Variants in CACNG4 observed in about 807,000 individuals in gnomAD.
CACNG4 encodes calcium voltage-gated channel auxiliary subunit gamma 4, also known as voltage-dependent calcium channel gamma-4 subunit.
In CACNG4, 8 loss-of-function variants were observed where a neutral mutation model predicts 22.9. The ratio of observed to expected loss-of-function variants is 0.35; its 90% confidence interval spans 0.21 to 0.63. CACNG4 has a LOEUF of 0.63. CACNG4 is among the 30% of genes least tolerant of loss of function. The pLI is 0.72. For synonymous variants in CACNG4, 188 were observed against 191.9 expected, an observed-to-expected ratio of 0.98 and a Z score of 0.17; for missense variants, 357 against 455.4, an observed-to-expected ratio of 0.78 and a Z score of 1.97.
At chr17:66,980,391 C>G (rs903292426) in intron 1 of CACNG4, among the ~76,000 whole-genome samples, 4 of 152,108 alleles carry the variant, frequency 2.6e-5, no homozygotes, top group Non-Finnish European at 5.9e-5. Flanking sequence ...TCGTGAGAGG[C>G]CCCTCAGGGA....
intron 1 of CACNG4, among the ~76,000 whole-genome samples, chr17:66,968,936 A>G (rs1362625092): frequency 2.6e-5 from 4 of 151,096 alleles, no homozygotes; most frequent in African/African-American, 9.8e-5. Flanking sequence ...ACTGGTCACC[A>G]CAGTCAGTCA....
intron 1 of CACNG4, among the ~76,000 whole-genome samples, chr17:66,990,689 A>ATTTTAT: frequency 7.6e-6 from 1 of 132,176 alleles, no homozygotes; most frequent in African/African-American, 3.1e-5. Flanking sequence ...TATTTTATTT[A>ATTTTAT]TTTATTTTTG....
In CACNG4 at chr17:67,015,601, AT is replaced by A. The variant is rs556241738; in HGVS notation, c.221-2580del. On this transcript the variant is annotated intron_variant, in intron 1 of 3. Coordinates refer to ENST00000262138, the MANE Select transcript of CACNG4 (RefSeq NM_014405.4). ...CTACAATTATTTCAAGACAAGTGTA[AT>A]TTTTTTTAAGATGGGCAGAACCCCA... 2.6e-4 allele frequency among the ~76,000 whole-genome samples: 39 copies of A among 152,202 alleles called. No individual in the cohort carries two copies. The South Asian group carries it at 3.5e-3, about 14-fold the overall frequency.
At chr17:66,987,537 G>A (rs940780967) in intron 1 of CACNG4, among the ~76,000 whole-genome samples, 2 of 152,192 alleles carry the variant, frequency 1.3e-5, no homozygotes, top group Non-Finnish European at 2.9e-5. Flanking sequence ...TGATGGAAGA[G>A]CTGAGAAGCC....
At position 66,994,875 on chromosome 17, in the gene CACNG4, G is replaced by C. The variant is rs570822467; in HGVS notation, c.221-23314G>C. On this transcript the variant is annotated intron_variant, in intron 1 of 3. Transcript: ENST00000262138. ...GTCTTCCCAGGCAGGGTGGTGAAGG[G>C]GGGAATGGGGGCATTGGTAGGAGGA... Among the ~76,000 whole-genome samples the C allele has an allele frequency of 1.3e-4, 20 of 152,284 alleles. No individual in the cohort carries two copies. In the South Asian group the frequency reaches 3.9e-3, roughly 30 times the overall value.
intron 1 of CACNG4, among the ~76,000 whole-genome samples, chr17:66,970,553 G>T (rs1157655152): frequency 1.3e-5 from 2 of 152,126 alleles, no homozygotes; most frequent in African/African-American, 4.8e-5. Flanking sequence ...ACCAGGGCAG[G>T]GTTTCTCAGC....
At chr17:66,992,170 G>T (rs544788168) in intron 1 of CACNG4, among the ~76,000 whole-genome samples, 2 of 151,878 alleles carry the variant, frequency 1.3e-5, no homozygotes, top group South Asian at 2.1e-4. Flanking sequence ...TGGGGGGGGG[G>T]GGCTGTGATG....
At position 67,030,955 on chromosome 17, in the gene CACNG4, A is replaced by C. The variant is rs1486853842; in HGVS notation, c.935A>C (p.Lys312Thr). The C allele has an allele frequency of 1.9e-6, 3 of 1,613,884 alleles. No homozygotes were observed. Among genetic ancestry groups the C allele is most frequent in the Non-Finnish European group, 2.5e-6 (3 of 1,179,984 alleles). The part of the protein sequence containing the change: ...QVHDFFQQDL[K>T]EGFHVSMLNR... ...CATGACTTTTTCCAGCAGGACCTGA[A>C]GGAAGGTTTCCACGTCAGCATGCTG... Residue 312 changes from lysine (K) to threonine (T), a missense_variant, in exon 4 of 4, where the codon AAG (lysine) becomes ACG (threonine). Lys to Thr is a moderately conservative substitution (Grantham distance 78, BLOSUM62 -1). This residue lies in a region of CACNG4 where 240 missense variants were observed against 277.6 expected (regional missense o/e 0.86). Coordinates refer to ENST00000262138, the MANE Select transcript of CACNG4 (RefSeq NM_014405.4). This position sits in a 1 kb window ranked among gnomAD's most constrained non-coding sequence, Gnocchi z 6.4.
At chr17:67,013,440 C>G (rs1259820253) in intron 1 of CACNG4, among the ~76,000 whole-genome samples, 1 of 152,178 alleles carries the variant, frequency 6.6e-6, no homozygotes, top group Non-Finnish European at 1.5e-5. Flanking sequence ...ATTACTCTAT[C>G]GCTCAGAAAT....
intron 1 of CACNG4, among the ~76,000 whole-genome samples, chr17:67,016,610 C>T (rs923093138): frequency 6.6e-6 from 1 of 152,146 alleles, no homozygotes; most frequent in Non-Finnish European, 1.5e-5. Context: ...CAACAGGGGG[C>T]GCTTGCAGCC....
At chr17:67,022,778 G>A (rs1188823126) in intron 2 of CACNG4, among the ~76,000 whole-genome samples, 1 of 152,216 alleles carries the variant, frequency 6.6e-6, no homozygotes, top group Non-Finnish European at 1.5e-5. Context: ...GCTTGGGAAA[G>A]GCCGAGCTCT....
intron 1 of CACNG4, among the ~76,000 whole-genome samples, chr17:66,992,685 C>T (rs1190515602): frequency 2.6e-5 from 4 of 152,210 alleles, no homozygotes; most frequent in East Asian, 1.9e-4. Context: ...GTAACAGAGC[C>T]GGAGAGGCTG....
intron 1 of CACNG4, among the ~76,000 whole-genome samples, chr17:67,011,200 CAGT>C (rs962107727): frequency 1.3e-5 from 2 of 152,216 alleles, no homozygotes; most frequent in African/African-American, 4.8e-5. Context: ...TGTGTGGCCT[CAGT>C]AGGTGTTTCT....
chr17:66,979,515 T>C (rs1414041111), intron 1 of CACNG4, among the ~76,000 whole-genome samples: 1 of 152,214 alleles, frequency 6.6e-6, no homozygotes, highest in Non-Finnish European at 1.5e-5. Flanking sequence ...AGTGGCTGCT[T>C]TATCAAGCTG....
In CACNG4 at chr17:66,964,881, C is replaced by T. The variant is rs1039812462; in HGVS notation, c.-31C>T. ...GGGCGGGCGGGCGCGGCGGGCCGGG[C>T]CGGCGGGCGGCGGACTATGAGGCGC... On this transcript the variant is annotated 5_prime_UTR_variant, in exon 1 of 4. Transcript: ENST00000262138. The T allele has an allele frequency of 2.3e-6, 3 of 1,279,646 alleles. No individual in the cohort carries two copies. The highest frequency in any genetic ancestry group is 6.3e-5 in the Admixed American group (2 of 31,662). 79.3% of individuals were successfully genotyped at this position (1,279,646 alleles called of 1,614,324 possible). A position where few individuals can be genotyped will look rare whatever the true frequency, so the allele number is the denominator to read the frequency against.
chr17:66,965,034 C>T lies in CACNG4; in HGVS notation c.123C>T (p.Cys41=), dbSNP rs137917225. The T allele has an allele frequency of 2.5e-4, 397 of 1,610,884 alleles. No individual in the cohort carries two copies. The highest frequency in any genetic ancestry group is 3.0e-4 in the Non-Finnish European group (357 of 1,179,116). Residue 41 remains cysteine, a synonymous_variant, in exon 1 of 4, where the codon TGC becomes TGT. Coordinates refer to ENST00000262138, the MANE Select transcript of CACNG4 (RefSeq NM_014405.4). The part of the protein sequence containing the change: ...DYWLYSSAHI[C]NGTNLTMDDG... ...GGCTGTACTCCAGCGCGCACATCTG[C>T]AACGGCACCAACCTGACCATGGACG...
intron 1 of CACNG4, among the ~76,000 whole-genome samples, chr17:66,985,556 A>T: frequency 6.6e-6 from 1 of 152,178 alleles, no homozygotes; most frequent in East Asian, 1.9e-4. Flanking sequence ...AGAGGAGGCA[A>T]CATTACTCTT....
chr17:67,024,412 C>G (rs73997320), intron 2 of CACNG4, among the ~76,000 whole-genome samples: 3,617 of 152,336 alleles, frequency 0.024, 151 homozygotes, highest in African/African-American at 0.083. Flanking sequence ...CCAGACCCAC[C>G]TAATGCCGAT....
chr17:66,990,411 A>G (rs2035332050), intron 1 of CACNG4, among the ~76,000 whole-genome samples: 1 of 152,162 alleles, frequency 6.6e-6, no homozygotes, highest in Admixed American at 6.5e-5. Context: ...TTGAATCATC[A>G]TATTCACAGG....
Sources: gnomAD v4.1 joint callset for allele counts (sites outside exome capture counted in the v4.1 genomes callset) on GRCh38, gnomAD v4.1.1 for gene constraint, gnomAD v4.1.1 regional missense constraint, Gnocchi (gnomAD v3.1) non-coding constraint, MANE v1.5 for transcripts, NCBI Gene and HGNC (gene_info 2026-07-23, HGNC 2026-07-21) for gene names.